PCDHA4: variants seen among roughly 807,000 people sequenced by gnomAD.
The protein encoded by PCDHA4 is protocadherin alpha-4.
A neutral mutation model predicts 61.4 loss-of-function variants in PCDHA4; 49 were observed. That is an observed-to-expected ratio of 0.80 (90% CI 0.63 to 1.01). PCDHA4 has a LOEUF of 1.01. Among genes scored for constraint, PCDHA4 ranks in the 50% least tolerant of loss-of-function variants. The probability of loss-of-function intolerance (pLI) is 0.00; values close to 1 mark genes in which losing one functional copy is unlikely to be tolerated. For synonymous variants in PCDHA4, 590 were observed against 550.3 expected (o/e 1.07, Z -1.01); for missense variants, 1,254 against 1,235.8 (o/e 1.01, Z -0.22).
chr5:140,823,942 T>C, intron 1 of PCDHA4: 1 of 1,613,786 alleles, frequency 6.2e-7, no homozygotes. Context: ...GCTGCGGTGC[T>C]CGGCGCAGCC....
intron 1 of PCDHA4, among the ~76,000 whole-genome samples, chr5:140,922,161 A>C (rs1381544563): frequency 1.4e-5 from 2 of 147,172 alleles, no homozygotes; most frequent in African/African-American, 2.5e-5. Flanking sequence ...CAAAAACAAC[A>C]AAAAGTACAG....
chr5:140,873,592 T>A (rs936003894), intron 1 of PCDHA4, among the ~76,000 whole-genome samples: 3 of 152,234 alleles, frequency 2.0e-5, no homozygotes, highest in African/African-American at 7.2e-5. Flanking sequence ...TAAGCTAAAC[T>A]TAGATGTTCC....
intron 1 of PCDHA4, among the ~76,000 whole-genome samples, chr5:140,962,009 G>C (rs545144318): frequency 1.3e-4 from 19 of 151,596 alleles, no homozygotes; most frequent in African/African-American, 3.6e-4. Flanking sequence ...TCAGCTTCCC[G>C]AGTAGCTGGG....
At chr5:140,827,860 G>T in intron 1 of PCDHA4, 1 of 529,744 alleles carries the variant, frequency 1.9e-6, no homozygotes. Flanking sequence ...AAAAATATAT[G>T]GTATAGCACT....
chr5:140,869,604 AT>A, intron 1 of PCDHA4: 1 of 1,614,062 alleles, frequency 6.2e-7, no homozygotes, highest in Admixed American at 1.7e-5. Context: ...AGAATGCTCT[AT>A]TGACCTACAG....
intron 3 of PCDHA4, among the ~76,000 whole-genome samples, chr5:141,000,419 A>ATTTT (rs1563652468): frequency 3.0e-4 from 18 of 60,988 alleles, no homozygotes; most frequent in East Asian, 5.4e-4. Context: ...ATATATATAT[A>ATTTT]TATTTTTTTT....
At chr5:140,836,408 A>G (rs2150260018) in intron 1 of PCDHA4, 22 of 1,613,740 alleles carry the variant, frequency 1.4e-5, no homozygotes, top group Non-Finnish European at 1.9e-5. Context: ...GCGGCCAGGC[A>G]CCAAAGGCGT....
chr5:140,907,114 G>A (rs1422379312), intron 1 of PCDHA4, among the ~76,000 whole-genome samples: 1 of 152,164 alleles, frequency 6.6e-6, no homozygotes, highest in Non-Finnish European at 1.5e-5. Context: ...TCCACCCCTT[G>A]ATTCCTGGAC....
chr5:140,842,127 C>T (rs2150329918), intron 1 of PCDHA4: 1 of 1,613,572 alleles, frequency 6.2e-7, no homozygotes, highest in Non-Finnish European at 8.5e-7. Flanking sequence ...GCTTCTGATC[C>T]GGATGAAGGA....
chr5:140,946,611 A>AATATATATATAT lies in PCDHA4; in HGVS notation c.2386-32328_2386-32317dup, dbSNP rs1554217734. 3.4e-3 allele frequency among the ~76,000 whole-genome samples: 291 copies of AATATATATATAT among 86,770 alleles called. 7 individuals carry two copies. The highest frequency in any genetic ancestry group is 4.0e-3 in the Non-Finnish European group (186 of 46,640). 56.9% of individuals were successfully genotyped at this position (86,770 alleles called of 152,430 possible). A position where few individuals can be genotyped will look rare whatever the true frequency, so the allele number is the denominator to read the frequency against. On this transcript the variant is annotated intron_variant, in intron 1 of 3. Coordinates refer to ENST00000530339, the MANE Select transcript of PCDHA4 (RefSeq NM_018907.4). ...GGATGAATAGATAAAGAAAATGTGA[A>AATATATATATAT]ATATATATATATATATATATACAAT...
intron 1 of PCDHA4, chr5:140,841,287 A>G: frequency 3.9e-6 from 6 of 1,554,152 alleles, no homozygotes; most frequent in Non-Finnish European, 5.2e-6. Context: ...CTTTATATTA[A>G]GATAATATTT....
intron 1 of PCDHA4, among the ~76,000 whole-genome samples, chr5:140,897,778 TG>T (rs1385536315): frequency 6.6e-6 from 1 of 152,208 alleles, no homozygotes; most frequent in Non-Finnish European, 1.5e-5. Flanking sequence ...ACTTCCACAA[TG>T]GTTGAACTAG....
intron 1 of PCDHA4, chr5:140,858,504 C>A: frequency 4.8e-6 from 7 of 1,454,340 alleles, no homozygotes; most frequent in Non-Finnish European, 6.6e-6. Flanking sequence ...CGCATTTTCT[C>A]AAATATGTAT....
At chr5:141,006,108 T>C (rs1268824828) in intron 3 of PCDHA4, among the ~76,000 whole-genome samples, 5 of 151,864 alleles carry the variant, frequency 3.3e-5, no homozygotes. Context: ...GTAAGGAGTT[T>C]TTTTTTTTTT....
chr5:140,833,070 T>C lies in PCDHA4; in HGVS notation c.2385+23498T>C, dbSNP rs149875221. Among the ~76,000 whole-genome samples the C allele has an allele frequency of 3.8e-4, 58 of 152,314 alleles. No homozygotes were observed. The East Asian group carries it at 0.01, about 27-fold the overall frequency. ...GAAAAGTAATATGAGAAAAACCTTT[T>C]GTATAACTTTGAGTACTAGACGAGT... On this transcript the variant is annotated intron_variant, in intron 1 of 3. Coordinates refer to ENST00000530339, the MANE Select transcript of PCDHA4 (RefSeq NM_018907.4).
At chr5:140,965,128 A>G (rs2095876420) in intron 1 of PCDHA4, among the ~76,000 whole-genome samples, 1 of 152,244 alleles carries the variant, frequency 6.6e-6, no homozygotes, top group African/African-American at 2.4e-5. Flanking sequence ...AGATCTACAG[A>G]TGACAGAATA....
chr5:140,942,157 T>C (rs2093241169), intron 1 of PCDHA4, among the ~76,000 whole-genome samples: 1 of 152,236 alleles, frequency 6.6e-6, no homozygotes, highest in Non-Finnish European at 1.5e-5. Context: ...TAAAACAGCT[T>C]CCATATTTCT....
chr5:140,997,123 A>T (rs1409528818), intron 3 of PCDHA4, among the ~76,000 whole-genome samples: 1 of 152,070 alleles, frequency 6.6e-6, no homozygotes, highest in African/African-American at 2.4e-5. Flanking sequence ...TCCCACATAC[A>T]CAATGCCCCC....
At chr5:140,929,249 G>C (rs1212088369) in intron 1 of PCDHA4, 14 of 1,613,366 alleles carry the variant, frequency 8.7e-6, no homozygotes, top group Non-Finnish European at 1.2e-5. Flanking sequence ...CTTGCCACTG[G>C]GGTAGGACTG....
Sources: allele counts gnomAD v4.1 joint callset (sites outside exome capture counted in the v4.1 genomes callset), GRCh38; gene constraint gnomAD v4.1.1; transcripts MANE v1.5; gene names NCBI Gene and HGNC (gene_info 2026-07-23, HGNC 2026-07-21).